PRR16: variants seen among roughly 807,000 people sequenced by gnomAD.
The protein encoded by PRR16 is proline rich 16, also known as protein Largen.
Under a neutral mutation model 18.2 loss-of-function variants are expected in PRR16, and 6 were observed. That is an observed-to-expected ratio of 0.33 (90% CI 0.18 to 0.65). The LOEUF (loss-of-function observed/expected upper bound fraction) is 0.65. Among genes scored for constraint, PRR16 ranks in the 30% least tolerant of loss-of-function variants. PRR16 has a pLI of 0.74. For synonymous variants in PRR16, 151 were observed against 147.8 expected, an observed-to-expected ratio of 1.02 and a Z score of -0.16; for missense variants, 412 against 376.6, an observed-to-expected ratio of 1.09 and a Z score of -0.78.
rs918584285 is a variant in PRR16 at position 120,664,034 on chromosome 5, C to T, written c.160-21920C>T. Among the ~76,000 whole-genome samples, 6 of 152,118 alleles carry T rather than the reference C, an allele frequency of 3.9e-5. 1 individual carries two copies. The highest frequency in any genetic ancestry group is 2.9e-5 in the Non-Finnish European group (2 of 68,014). On this transcript the variant is annotated intron_variant, in intron 1 of 1. Coordinates refer to ENST00000407149, the MANE Select transcript of PRR16 (RefSeq NM_001300783.2). ...ACAAATCTGGCCGGGCGCGGTGGCT[C>T]ATGCCTGTAATCTCAGTACTTTTGG...
intron 1 of PRR16, among the ~76,000 whole-genome samples, chr5:120,530,269 ATATATATATATATATT>A (rs1365373183): frequency 1.6e-5 from 2 of 123,202 alleles, no homozygotes; most frequent in Admixed American, 8.0e-5. Context: ...ATATATATAT[ATATATATATATATATT>A]TATTTATTTA....
At chr5:120,535,141 G>A (rs1313368437) in intron 1 of PRR16, among the ~76,000 whole-genome samples, 3 of 151,566 alleles carry the variant, frequency 2.0e-5, no homozygotes, top group Non-Finnish European at 2.9e-5. Flanking sequence ...CTATTGCTTT[G>A]CTCCAGTCCT....
intron 1 of PRR16, among the ~76,000 whole-genome samples, chr5:120,640,812 C>T (rs1013192888): frequency 4.6e-5 from 7 of 152,166 alleles, no homozygotes; most frequent in African/African-American, 1.7e-4. Context: ...CTGAGTCTCT[C>T]ACCTACAGAG....
chr5:120,669,177 T>C (rs575666847), intron 1 of PRR16, among the ~76,000 whole-genome samples: 11 of 152,288 alleles, frequency 7.2e-5, no homozygotes, highest in Non-Finnish European at 1.3e-4. Context: ...GCAGATTTGG[T>C]ACAACTTGCT....
At chr5:120,644,308 C>A (rs1755520803) in intron 1 of PRR16, among the ~76,000 whole-genome samples, 1 of 151,990 alleles carries the variant, frequency 6.6e-6, no homozygotes, top group African/African-American at 2.4e-5. Context: ...TATTTGTCCT[C>A]TGAAAAGCTC....
At chr5:120,753,165 C>G in the PRR16 span, among the ~76,000 whole-genome samples, 1 of 151,806 alleles carries the variant, frequency 6.6e-6, no homozygotes, top group Non-Finnish European at 1.5e-5. Context: ...GGAAGTAAAC[C>G]AAAGAAATTT....
the PRR16 span, among the ~76,000 whole-genome samples, chr5:120,789,737 T>C: frequency 1.3e-5 from 2 of 152,108 alleles, no homozygotes; most frequent in Admixed American, 6.6e-5. Flanking sequence ...TACTTAAATT[T>C]TGATAACTAA....
rs1753730437 is a variant in PRR16, at chr5:120,594,223, C to T, written c.160-91731C>T. Among the ~76,000 whole-genome samples the T allele has an allele frequency of 2.0e-5, 3 of 151,992 alleles. No individual in the cohort carries two copies. The South Asian group carries it at 6.2e-4, about 31-fold the overall frequency. On this transcript the variant is annotated intron_variant, in intron 1 of 1. Transcript: ENST00000407149. ...GAGGAAGTCAAACTATCCCTATTTG[C>T]AGATGAAATGATTCTATATCTAGAA...
chr5:120,657,189 G>A (rs1756011040), intron 1 of PRR16, among the ~76,000 whole-genome samples: 1 of 151,936 alleles, frequency 6.6e-6, no homozygotes, highest in African/African-American at 2.4e-5. Context: ...TGATCTACAT[G>A]TATTTTGGTG....
chr5:120,644,178 A>G (rs1482062722), intron 1 of PRR16, among the ~76,000 whole-genome samples: 1 of 152,128 alleles, frequency 6.6e-6, no homozygotes, highest in African/African-American at 2.4e-5. Flanking sequence ...AACAGGAATG[A>G]CTATCTCATA....
intron 1 of PRR16, among the ~76,000 whole-genome samples, chr5:120,590,158 G>A (rs79819151): frequency 0.21 from 32,108 of 151,366 alleles, 4,148 homozygotes; most frequent in Middle Eastern, 0.36. Flanking sequence ...TAACAATATT[G>A]AATGCTGTAT....
At chr5:120,663,400 C>T (rs967828572) in intron 1 of PRR16, among the ~76,000 whole-genome samples, 1 of 152,046 alleles carries the variant, frequency 6.6e-6, no homozygotes, top group African/African-American at 2.4e-5. Flanking sequence ...AAGTAAAAAT[C>T]ATGCATGTTT....
intron 1 of PRR16, among the ~76,000 whole-genome samples, chr5:120,524,597 A>T (rs1275224074): frequency 6.6e-6 from 1 of 152,130 alleles, no homozygotes; most frequent in Non-Finnish European, 1.5e-5. Flanking sequence ...ACATACAATA[A>T]ATATCATCTA....
At chr5:120,533,765 C>T (rs1159275148) in intron 1 of PRR16, among the ~76,000 whole-genome samples, 4 of 152,136 alleles carry the variant, frequency 2.6e-5, no homozygotes, top group African/African-American at 9.7e-5. Context: ...GCAATCCTTG[C>T]AAAACTTTTA....
At chr5:120,746,989 A>G in the PRR16 span, among the ~76,000 whole-genome samples, 3 of 152,216 alleles carry the variant, frequency 2.0e-5, no homozygotes, top group Non-Finnish European at 2.9e-5. Flanking sequence ...AAGTGAAAAA[A>G]TTAAAATATT....
intron 1 of PRR16, among the ~76,000 whole-genome samples, chr5:120,684,675 T>G (rs1239838709): frequency 6.6e-6 from 1 of 152,184 alleles, no homozygotes; most frequent in Non-Finnish European, 1.5e-5. Context: ...GATGCTGTAC[T>G]CTGAAAGTCA....
At chr5:120,474,297 GA>G (rs1554076054) in intron 1 of PRR16, among the ~76,000 whole-genome samples, 1 of 152,030 alleles carries the variant, frequency 6.6e-6, no homozygotes, top group Non-Finnish European at 1.5e-5. Context: ...TTGTTGGGGG[GA>G]TTGTCCTGTG....
chr5:120,501,465 A>G (rs1380887550), intron 1 of PRR16, among the ~76,000 whole-genome samples: 1 of 152,172 alleles, frequency 6.6e-6, no homozygotes, highest in African/African-American at 2.4e-5. Flanking sequence ...TGACGATAAA[A>G]GTAAAAATAA....
intron 1 of PRR16, among the ~76,000 whole-genome samples, chr5:120,496,657 T>A (rs947003237): frequency 1.3e-5 from 2 of 151,942 alleles, no homozygotes; most frequent in African/African-American, 4.8e-5. Flanking sequence ...GAAAAAGGGC[T>A]CTATATTTGA....
Sources: allele counts gnomAD v4.1 joint callset (sites outside exome capture counted in the v4.1 genomes callset), GRCh38; gene constraint gnomAD v4.1.1; transcripts MANE v1.5; gene names NCBI Gene and HGNC (gene_info 2026-07-23, HGNC 2026-07-21).